ANK3: variants seen among roughly 807,000 people sequenced by gnomAD.
ANK3 encodes the protein ankyrin 3, also known as ankyrin-3.
ANK3 carries 57 observed loss-of-function variants against 370.9 expected under a neutral mutation model. The ratio of observed to expected loss-of-function variants is 0.15; its 90% confidence interval spans 0.12 to 0.19. The LOEUF is 0.19. ANK3 is among the 10% of genes least tolerant of loss of function. The pLI, the probability that ANK3 is intolerant of heterozygous loss-of-function variation, is 1.00. For missense variants in ANK3, 4,439 were observed against 5,302.1 expected (o/e 0.84, Z 5.06); for synonymous variants, 1,929 against 1,946.3 (o/e 0.99, Z 0.23).
At chr10:60,243,764 T>C (rs1259486692) in intron 7 of ANK3, among the ~76,000 whole-genome samples, 2 of 152,188 alleles carry the variant, frequency 1.3e-5, no homozygotes, top group Admixed American at 6.5e-5. Context: ...AAGGATATTA[T>C]GAAATAATTT....
At chr10:60,364,216 C>T (rs1273586900) in intron 1 of ANK3, among the ~76,000 whole-genome samples, 2 of 150,606 alleles carry the variant, frequency 1.3e-5, no homozygotes, top group East Asian at 1.9e-4. Flanking sequence ...ATTGCTTGAA[C>T]CTCGGAGGCA....
At chr10:60,310,607 A>G (rs1201830591) in intron 1 of ANK3, among the ~76,000 whole-genome samples, 2 of 152,238 alleles carry the variant, frequency 1.3e-5, no homozygotes, top group Non-Finnish European at 2.9e-5. Context: ...GAACAAATTA[A>G]TAAATCAATG....
intron 2 of ANK3, among the ~76,000 whole-genome samples, chr10:60,467,945 T>C (rs1012499769): frequency 1.3e-5 from 2 of 151,874 alleles, no homozygotes; most frequent in African/African-American, 4.8e-5. Flanking sequence ...CAAAGTTAAA[T>C]TTAATATTTC....
intron 43 of ANK3, among the ~76,000 whole-genome samples, chr10:60,031,556 A>G (rs1243191049): frequency 6.6e-6 from 1 of 152,226 alleles, no homozygotes; most frequent in Non-Finnish European, 1.5e-5. Context: ...GCTCCTATAG[A>G]AATCCTGAGT....
intron 1 of ANK3, among the ~76,000 whole-genome samples, chr10:60,358,182 G>A (rs753465205): frequency 2.0e-5 from 3 of 151,600 alleles, no homozygotes; most frequent in Non-Finnish European, 4.4e-5. Flanking sequence ...CAGCTACTAT[G>A]TCATTTATCT....
intron 1 of ANK3, among the ~76,000 whole-genome samples, chr10:60,296,413 T>C (rs1284954495): frequency 1.3e-5 from 2 of 152,186 alleles, no homozygotes; most frequent in Non-Finnish European, 2.9e-5. Flanking sequence ...AATCCTCTGT[T>C]CTGGGAAACT....
At chr10:60,203,727 A>G (rs2096719220) in intron 11 of ANK3, among the ~76,000 whole-genome samples, 1 of 152,240 alleles carries the variant, frequency 6.6e-6, no homozygotes, top group Non-Finnish European at 1.5e-5. Context: ...TTCAGATCCT[A>G]TGCACACATA....
At chr10:60,376,977 C>T (rs1413507373) in intron 1 of ANK3, among the ~76,000 whole-genome samples, 2 of 152,162 alleles carry the variant, frequency 1.3e-5, no homozygotes, top group East Asian at 1.9e-4. Context: ...AAACAGGGAT[C>T]GTTAACAATG....
intron 24 of ANK3, among the ~76,000 whole-genome samples, chr10:60,135,100 T>C (rs2094275970): frequency 6.6e-6 from 1 of 152,222 alleles, no homozygotes; most frequent in Admixed American, 6.5e-5. Flanking sequence ...ATCATCACAG[T>C]GACCTCTAAA....
intron 8 of ANK3, among the ~76,000 whole-genome samples, chr10:60,229,449 T>A (rs1016993072): frequency 2.3e-4 from 35 of 152,334 alleles, no homozygotes; most frequent in African/African-American, 7.9e-4. Context: ...TCCCTTGAAA[T>A]ATAATCAAAA....
rs570562727 is a variant in ANK3 at position 60,070,989 on chromosome 10, G to A, written c.9892C>T (p.Pro3298Ser). ...DEHDKYQLAE[P>S]VIRVQPPSPV... ...GAAGGTGGCTGCACTCTAATGACAGGTTCAGCCAGCTGGTACTTGTCATGC... is the reference window on the plus strand; with the variant it reads ...GAAGGTGGCTGCACTCTAATGACAGATTCAGCCAGCTGGTACTTGTCATGC... The change falls in exon 37 of 44, where the codon CCT (proline) becomes TCT (serine). Residue 3298 changes from proline to serine, a missense_variant. Pro to Ser is a moderately conservative substitution (Grantham distance 74). Transcript: ENST00000280772. This position sits in a 1 kb window ranked among gnomAD's most constrained non-coding sequence, Gnocchi z 5.7. 1.2e-6 allele frequency: 2 copies of A among 1,614,096 alleles called. No individual in the cohort carries two copies. Among genetic ancestry groups the A allele is most frequent in the Admixed American group, 1.7e-5 (1 of 60,014 alleles).
chr10:60,145,278 CTA>C (rs1404612217), intron 23 of ANK3, among the ~76,000 whole-genome samples: 2 of 152,180 alleles, frequency 1.3e-5, no homozygotes, highest in African/African-American at 4.8e-5. Context: ...AACAGTGTCT[CTA>C]TACTCTACTG....
intron 2 of ANK3, among the ~76,000 whole-genome samples, chr10:60,426,381 T>C (rs2063887736): frequency 6.6e-6 from 1 of 152,184 alleles, no homozygotes; most frequent in South Asian, 2.1e-4. Context: ...TCTTCTATAA[T>C]TTAATAACCT....
intron 2 of ANK3, among the ~76,000 whole-genome samples, chr10:60,533,086 GT>G (rs1191931045): frequency 6.6e-6 from 1 of 152,156 alleles, no homozygotes; most frequent in Non-Finnish European, 1.5e-5. Context: ...GACTCTAAAG[GT>G]TTGAGAAGTG....
At chr10:60,158,169 A>G (rs1200338924) in intron 23 of ANK3, among the ~76,000 whole-genome samples, 1 of 152,204 alleles carries the variant, frequency 6.6e-6, no homozygotes, top group African/African-American at 2.4e-5. Flanking sequence ...TTCCCAGACA[A>G]ACAAAAGCTG....
intron 2 of ANK3, among the ~76,000 whole-genome samples, chr10:60,479,775 C>G (rs2075164352): frequency 6.6e-6 from 1 of 152,032 alleles, no homozygotes; most frequent in Non-Finnish European, 1.5e-5. Context: ...AGGTTCAGTT[C>G]AAACACAATC....
At position 60,086,834 on chromosome 10, in the gene ANK3, T is replaced by C. The variant is rs2086795512; in HGVS notation, c.3591A>G (p.Ala1197=). The C allele has an allele frequency of 6.2e-7, 1 of 1,614,056 alleles. No individual in the cohort carries two copies. Among genetic ancestry groups the C allele is most frequent in the Non-Finnish European group, 8.5e-7 (1 of 1,180,004 alleles). Residue 1197 remains alanine, a synonymous_variant, in exon 30 of 44, where the codon GCA becomes GCG. Coordinates refer to ENST00000280772, the MANE Select transcript of ANK3 (RefSeq NM_020987.5). ...CCACAGTGACAATTGGGCTAAAAGT[T>C]GCTTTGTTTCCAAGGATCTTTTTCA... The part of the protein sequence containing the change: ...EIVKKILGNK[A]TFSPIVTVEP...
At chr10:60,134,157 C>G (rs2094225539) in intron 25 of ANK3, 114 bp downstream of exon 25, 1 of 850,224 alleles carries the variant, frequency 1.2e-6, no homozygotes, top group Non-Finnish European at 1.8e-6. Flanking sequence ...AGAAGATTTA[C>G]AAATGTAAAA....
chr10:60,702,063 A>T lies in ANK3; in HGVS notation c.57+31200T>A, dbSNP rs566686963. Reference sequence around the variant, plus strand: ...TGCTTGAGGCCAGGAGTTCAAGGCCAGCCTGGCCAACATAGTGAGTCTCCA... The same window carrying T: ...TGCTTGAGGCCAGGAGTTCAAGGCCTGCCTGGCCAACATAGTGAGTCTCCA... On this transcript the variant is annotated intron_variant, in intron 1 of 43. Coordinates refer to the ANK3 transcript ENST00000373827. 5.9e-5 allele frequency among the ~76,000 whole-genome samples: 9 copies of T among 152,252 alleles called. No individual in the cohort carries two copies. The South Asian group carries it at 1.7e-3, about 28-fold the overall frequency.
Sources: allele counts gnomAD v4.1 joint callset (sites outside exome capture counted in the v4.1 genomes callset), GRCh38; gene constraint gnomAD v4.1.1; non-coding constraint Gnocchi (gnomAD v3.1); transcripts MANE v1.5; gene names NCBI Gene and HGNC (gene_info 2026-07-23, HGNC 2026-07-21).